Variants in SPTLC3 observed in about 807,000 individuals in gnomAD.
SPTLC3 encodes the protein serine palmitoyltransferase long chain base subunit 3.
SPTLC3 carries 36 observed loss-of-function variants against 59.3 expected under a neutral mutation model. That is an observed-to-expected ratio of 0.61 (90% CI 0.47 to 0.80). The LOEUF is 0.80. Among genes scored for constraint, SPTLC3 ranks in the 30% least tolerant of loss-of-function variants. SPTLC3 has a pLI of 0.00. For missense variants in SPTLC3, 625 were observed against 685.1 expected (o/e 0.91, Z 0.98); for synonymous variants, 257 against 240.8 (o/e 1.07, Z -0.62).
chr20:13,030,887 G>A (rs764080215), intron 1 of SPTLC3, among the ~76,000 whole-genome samples: 3 of 151,936 alleles, frequency 2.0e-5, no homozygotes, highest in Non-Finnish European at 4.4e-5. Flanking sequence ...TTCTGAACTA[G>A]GTCAGATCCC....
chr20:13,140,890 T>G (rs2038365677), intron 9 of SPTLC3, among the ~76,000 whole-genome samples: 1 of 152,224 alleles, frequency 6.6e-6, no homozygotes, highest in Non-Finnish European at 1.5e-5. Context: ...CTCTGATTAT[T>G]TGTGAAATTT....
At chr20:13,068,838 A>G (rs1213046602) in intron 2 of SPTLC3, among the ~76,000 whole-genome samples, 3 of 152,088 alleles carry the variant, frequency 2.0e-5, no homozygotes, top group East Asian at 3.9e-4. Flanking sequence ...TCCATTAAGC[A>G]TGAAGATTAT....
chr20:13,110,847 G>A (rs1990191932), intron 7 of SPTLC3, among the ~76,000 whole-genome samples: 1 of 152,038 alleles, frequency 6.6e-6, no homozygotes, highest in Admixed American at 6.5e-5. Flanking sequence ...GCAAATTGAG[G>A]GGGATATCTC....
chr20:13,100,598 G>A (rs753160486), intron 6 of SPTLC3, among the ~76,000 whole-genome samples: 4 of 152,066 alleles, frequency 2.6e-5, no homozygotes, highest in Non-Finnish European at 4.4e-5. Flanking sequence ...AAAAACACCT[G>A]AGTACCAGAA....
At chr20:13,075,147 A>C (rs1988598519) in intron 4 of SPTLC3, among the ~76,000 whole-genome samples, 1 of 152,126 alleles carries the variant, frequency 6.6e-6, no homozygotes. Context: ...AAAAAAAAAA[A>C]AAACCTGTGT....
chr20:13,027,989 C>T (rs1174802168), intron 1 of SPTLC3, among the ~76,000 whole-genome samples: 2 of 152,168 alleles, frequency 1.3e-5, no homozygotes, highest in Admixed American at 6.5e-5. Context: ...AAAATCTTGA[C>T]ATTACGAATG....
chr20:13,112,034 G>A (rs1431231299), intron 7 of SPTLC3, among the ~76,000 whole-genome samples: 14 of 152,206 alleles, frequency 9.2e-5, no homozygotes, highest in Admixed American at 9.2e-4. Context: ...CACAATTTTG[G>A]TTGCACTAGC....
At chr20:13,013,410 G>T (rs1411171691) in intron 1 of SPTLC3, among the ~76,000 whole-genome samples, 1 of 152,182 alleles carries the variant, frequency 6.6e-6, no homozygotes, top group Admixed American at 6.5e-5. Context: ...CCCCCTGATT[G>T]AAATAGAGGT....
At chr20:13,037,728 A>C (rs1460061067) in intron 1 of SPTLC3, among the ~76,000 whole-genome samples, 5 of 152,196 alleles carry the variant, frequency 3.3e-5, no homozygotes, top group Admixed American at 1.3e-4. Flanking sequence ...TGGGTGGATT[A>C]ATCAGGATAA....
intron 8 of SPTLC3, among the ~76,000 whole-genome samples, chr20:13,120,881 A>T (rs1308249568): frequency 6.6e-6 from 1 of 152,168 alleles, no homozygotes; most frequent in Admixed American, 6.5e-5. Flanking sequence ...TGTTTTGCTC[A>T]CTTTGGGTTT....
At position 13,046,937 on chromosome 20, in the gene SPTLC3, C is replaced by T. The variant is rs552273032; in HGVS notation, c.118-2008C>T. On this transcript the variant is annotated intron_variant, in intron 1 of 11. Coordinates refer to ENST00000399002, the MANE Select transcript of SPTLC3 (RefSeq NM_018327.4). ...ACCAATGCTCTTTCATTTTCATTAG[C>T]TTATGCCATGAAGTAGTGTTTGGGA... Among the ~76,000 whole-genome samples the T allele has an allele frequency of 1.4e-4, 21 of 152,258 alleles. No individual in the cohort carries two copies. The South Asian group carries it at 4.1e-3, about 30-fold the overall frequency.
chr20:13,152,106 C>G (rs2038662351), intron 9 of SPTLC3, among the ~76,000 whole-genome samples: 1 of 152,124 alleles, frequency 6.6e-6, no homozygotes, highest in Non-Finnish European at 1.5e-5. Context: ...GAGGGGCTAA[C>G]AACACAGATT....
intron 2 of SPTLC3, among the ~76,000 whole-genome samples, chr20:13,052,021 G>A (rs983776971): frequency 5.9e-5 from 9 of 152,136 alleles, no homozygotes; most frequent in Admixed American, 5.2e-4. Context: ...AGGAACTAGA[G>A]AAACTTGAAC....
At chr20:13,091,231 C>G (rs1187067341) in intron 5 of SPTLC3, 24 bp downstream of exon 5, 1 of 1,610,270 alleles carries the variant, frequency 6.2e-7, no homozygotes, top group East Asian at 2.2e-5. Context: ...ACCTAATTGT[C>G]TTCTACTGTA....
At chr20:13,137,093 G>T (rs2038264356) in intron 9 of SPTLC3, among the ~76,000 whole-genome samples, 1 of 150,338 alleles carries the variant, frequency 6.7e-6, no homozygotes, top group Non-Finnish European at 1.5e-5. Flanking sequence ...CATTGTGCTG[G>T]TACAAGAAGT....
At chr20:13,086,871 T>G (rs747205248) in intron 4 of SPTLC3, among the ~76,000 whole-genome samples, 2 of 152,050 alleles carry the variant, frequency 1.3e-5, no homozygotes, top group Non-Finnish European at 2.9e-5. Context: ...ATAGCTCACT[T>G]CAGCCTCAAC....
chr20:13,147,042 C>A (rs2038529025), intron 9 of SPTLC3, among the ~76,000 whole-genome samples: 1 of 152,162 alleles, frequency 6.6e-6, no homozygotes. Context: ...AACAGTGTAT[C>A]TGAGCAGCTG....
At chr20:13,144,632 A>G (rs1002757637) in intron 9 of SPTLC3, among the ~76,000 whole-genome samples, 1 of 152,222 alleles carries the variant, frequency 6.6e-6, no homozygotes, top group African/African-American at 2.4e-5. Flanking sequence ...AACACTATAT[A>G]ATTTGTTACT....
At chr20:13,051,237 C>T (rs977188368) in intron 2 of SPTLC3, among the ~76,000 whole-genome samples, 9 of 151,756 alleles carry the variant, frequency 5.9e-5, no homozygotes, top group African/African-American at 1.7e-4. Flanking sequence ...TTAAAGTAAA[C>T]GGGTGGAAAG....
Sources: allele counts gnomAD v4.1 joint callset (sites outside exome capture counted in the v4.1 genomes callset), GRCh38; gene constraint gnomAD v4.1.1; transcripts MANE v1.5; gene names NCBI Gene and HGNC (gene_info 2026-07-23, HGNC 2026-07-21).